Variants in ATG13 observed in about 807,000 individuals in gnomAD.
The protein encoded by ATG13 is autophagy related 13.
In ATG13, 23 loss-of-function variants were observed where a neutral mutation model predicts 65.5. That is an observed-to-expected ratio of 0.35 (90% CI 0.25 to 0.50). The LOEUF (loss-of-function observed/expected upper bound fraction) is 0.50. Among genes scored for constraint, ATG13 ranks in the 20% least tolerant of loss-of-function variants. The pLI, the probability that ATG13 is intolerant of heterozygous loss-of-function variation, is 0.98. For synonymous variants in ATG13, 252 were observed against 245.2 expected (o/e 1.03, Z -0.26); for missense variants, 566 against 677.0 (o/e 0.84, Z 1.82).
chr11:46,658,581 G>C (rs2060498093), intron 10 of ATG13, among the ~76,000 whole-genome samples: 1 of 151,474 alleles, frequency 6.6e-6, no homozygotes, highest in African/African-American at 2.4e-5. Context: ...TGTTGTCCAG[G>C]CTGGAGTGCA....
Position 46,673,011 on chromosome 11 carries a change from A to G in ATG13, c.*679A>G, listed in dbSNP as rs2064096188. On this transcript the variant is annotated 3_prime_UTR_variant, in exon 19 of 19. Transcript: ENST00000683050. ...TGCCTGTGCTCAGGTCCTCAGCTCC[A>G]TGGGAAATAAAAATGGCACCCTGAA... The G allele has an allele frequency of 4.5e-6, 1 of 223,632 alleles. No individual in the cohort carries two copies. Among genetic ancestry groups the G allele is most frequent in the South Asian group, 5.9e-5 (1 of 17,010 alleles). The allele number at this position is 223,632 out of a possible 1,614,324, so 13.9% of individuals were successfully genotyped here.
intron 9 of ATG13, 164 bp from the exon 10 acceptor site, chr11:46,657,360 C>T: frequency 1.1e-6 from 1 of 912,936 alleles, no homozygotes; most frequent in Admixed American, 2.2e-5. Flanking sequence ...GTCCCAGAGC[C>T]AGTTTGTCCA....
chr11:46,618,877 G>A (rs2046311337), intron 1 of ATG13, among the ~76,000 whole-genome samples: 1 of 152,018 alleles, frequency 6.6e-6, no homozygotes. Context: ...GAGTACAGTG[G>A]CGCCTTCATA....
At chr11:46,662,383 T>G (rs183653865) in intron 11 of ATG13, among the ~76,000 whole-genome samples, 139 of 152,346 alleles carry the variant, frequency 9.1e-4, no homozygotes, top group Non-Finnish European at 1.5e-3. Flanking sequence ...CCAAATCAGT[T>G]TGTCTGTTTC....
At chr11:46,618,163 G>T (rs1219750643) in intron 1 of ATG13, 1 of 348,034 alleles carries the variant, frequency 2.9e-6, no homozygotes, top group Admixed American at 4.8e-5. Context: ...GAGGTAATTT[G>T]GGGGGCCATA....
chr11:46,663,700 A>G (rs1324291155), intron 11 of ATG13, among the ~76,000 whole-genome samples: 1 of 152,098 alleles, frequency 6.6e-6, no homozygotes, highest in Non-Finnish European at 1.5e-5. Context: ...GGTTGACTCA[A>G]GTTTCTCTGT....
chr11:46,618,466 C>T (rs1044828756), intron 1 of ATG13: 3 of 152,180 alleles, frequency 2.0e-5, no homozygotes, highest in African/African-American at 7.2e-5. Flanking sequence ...GTCAATTCAG[C>T]GTAGCATTTC....
At chr11:46,656,002 T>C (rs1943692265) in intron 7 of ATG13, among the ~76,000 whole-genome samples, 1 of 152,242 alleles carries the variant, frequency 6.6e-6, no homozygotes, top group African/African-American at 2.4e-5. Context: ...ATCACAGGCA[T>C]GAGCCACTGT....
intron 10 of ATG13, among the ~76,000 whole-genome samples, chr11:46,658,239 G>A (rs1448030732): frequency 2.0e-5 from 3 of 152,166 alleles, no homozygotes; most frequent in Non-Finnish European, 2.9e-5. Flanking sequence ...GAAAACAGGG[G>A]TTAGACTAGA....
In ATG13 at chr11:46,617,857, G is replaced by T. The variant is rs532286710; in HGVS notation, c.-103G>T. On this transcript the variant is annotated 5_prime_UTR_variant, in exon 1 of 19. Transcript: ENST00000683050. ...CCAGGTCCCGGCCTCCGTAATGAGA[G>T]CCCGGAACCACTCTTTGTGCCGCAG... The T allele has an allele frequency of 3.0e-5, 12 of 399,178 alleles. No homozygotes were observed. The South Asian group carries it at 1.3e-3, about 42-fold the overall frequency. The allele number at this position is 399,178 out of a possible 1,614,324, so 24.7% of individuals were successfully genotyped here.
chr11:46,670,658 A>G (rs2063506392), intron 18 of ATG13, among the ~76,000 whole-genome samples: 1 of 151,762 alleles, frequency 6.6e-6, no homozygotes, highest in Non-Finnish European at 1.5e-5. Flanking sequence ...AGTACAAAAA[A>G]TTAGCTGGGC....
intron 1 of ATG13, among the ~76,000 whole-genome samples, chr11:46,624,588 C>G (rs1275626087): frequency 6.6e-6 from 1 of 151,886 alleles, no homozygotes; most frequent in Non-Finnish European, 1.5e-5. Flanking sequence ...CTTGTCCAAT[C>G]ACTTCCTCAT....
intron 1 of ATG13, among the ~76,000 whole-genome samples, chr11:46,622,837 C>G (rs755915488): frequency 2.6e-5 from 4 of 152,158 alleles, no homozygotes; most frequent in Admixed American, 6.5e-5. Context: ...ACTCTGTCAT[C>G]TTCGGGGTGC....
chr11:46,648,174 C>T (rs2058121627), intron 5 of ATG13, among the ~76,000 whole-genome samples: 1 of 151,826 alleles, frequency 6.6e-6, no homozygotes, highest in Non-Finnish European at 1.5e-5. Flanking sequence ...TGGCTCACTG[C>T]AACCTTCCCC....
At chr11:46,663,265 C>CAA (rs11422914) in intron 11 of ATG13, among the ~76,000 whole-genome samples, 1,371 of 76,440 alleles carry the variant, frequency 0.018, 55 homozygotes, top group African/African-American at 0.027. Flanking sequence ...GACTCCATCT[C>CAA]AAAAAAAAAA....
chr11:46,622,359 C>T (rs1051678423), intron 1 of ATG13, among the ~76,000 whole-genome samples: 9 of 151,764 alleles, frequency 5.9e-5, no homozygotes, highest in Admixed American at 3.9e-4. Context: ...CCTCGTGATC[C>T]GCCTGCCTCG....
intron 11 of ATG13, among the ~76,000 whole-genome samples, chr11:46,662,404 T>C (rs1046881711): frequency 5.3e-5 from 8 of 152,210 alleles, no homozygotes; most frequent in African/African-American, 1.9e-4. Flanking sequence ...CCTGATACAA[T>C]GGAAAGTTGA....
At chr11:46,666,682 G>A (rs942979690) in intron 14 of ATG13, among the ~76,000 whole-genome samples, 6 of 152,130 alleles carry the variant, frequency 3.9e-5, no homozygotes, top group African/African-American at 7.2e-5. Context: ...GCACAAGGGC[G>A]AGCAGATTCT....
At chr11:46,629,266 A>G (rs1403031160) in intron 1 of ATG13, among the ~76,000 whole-genome samples, 1 of 152,048 alleles carries the variant, frequency 6.6e-6, no homozygotes, top group Non-Finnish European at 1.5e-5. Context: ...TTTCTGTCAC[A>G]AGAGATTACA....
Sources: allele counts gnomAD v4.1 joint callset (sites outside exome capture counted in the v4.1 genomes callset), GRCh38; gene constraint gnomAD v4.1.1; transcripts MANE v1.5; gene names NCBI Gene and HGNC (gene_info 2026-07-23, HGNC 2026-07-21).